The following PDE8B variants were observed in gnomAD, a reference collection of about 807,000 sequenced individuals.
PDE8B encodes phosphodiesterase 8B.
In PDE8B, 26 loss-of-function variants were observed where a neutral mutation model predicts 101.3. The ratio of observed to expected loss-of-function variants is 0.26; its 90% confidence interval spans 0.19 to 0.36. PDE8B has a LOEUF of 0.36. PDE8B is among the 10% of genes least tolerant of loss of function. PDE8B has a pLI of 1.00. For missense variants in PDE8B, 810 were observed against 1,163.1 expected (o/e 0.70, Z 4.42); for synonymous variants, 424 against 429.3 (o/e 0.99, Z 0.15).
At chr5:77,226,394 C>T (rs1048142191) in intron 1 of PDE8B, among the ~76,000 whole-genome samples, 4 of 152,136 alleles carry the variant, frequency 2.6e-5, no homozygotes, top group Admixed American at 6.6e-5. Context: ...ATCATTCCAT[C>T]GTAGTTCATA....
the PDE8B span, among the ~76,000 whole-genome samples, chr5:77,095,043 T>C: frequency 6.6e-6 from 1 of 152,218 alleles, no homozygotes; most frequent in South Asian, 2.1e-4. Flanking sequence ...ACGTCAGCTC[T>C]GTAAGGTAGA....
intron 2 of PDE8B, among the ~76,000 whole-genome samples, chr5:77,320,095 A>AT (rs1240964538): frequency 1.3e-5 from 2 of 152,104 alleles, no homozygotes; most frequent in Non-Finnish European, 2.9e-5. Flanking sequence ...AACAATCATA[A>AT]TTTTTACCAT....
chr5:77,369,266 C>T (rs1241774802), intron 10 of PDE8B, among the ~76,000 whole-genome samples: 1 of 141,108 alleles, frequency 7.1e-6, no homozygotes, highest in Non-Finnish European at 1.5e-5. Flanking sequence ...AAAACATTAA[C>T]CAGAATGTTT....
chr5:77,424,811 GTTTT>G (rs1004087096), intron 20 of PDE8B, among the ~76,000 whole-genome samples: 2 of 111,320 alleles, frequency 1.8e-5, no homozygotes, highest in African/African-American at 6.1e-5. Flanking sequence ...AACTGGTTCT[GTTTT>G]TTTGTTTTTT....
At chr5:77,318,411 C>T (rs1230473018) in intron 2 of PDE8B, among the ~76,000 whole-genome samples, 1 of 152,140 alleles carries the variant, frequency 6.6e-6, no homozygotes, top group Non-Finnish European at 1.5e-5. Flanking sequence ...TAGTAAGTTA[C>T]TTAACATAGT....
the PDE8B span, among the ~76,000 whole-genome samples, chr5:77,199,920 C>T: frequency 1.3e-5 from 2 of 152,060 alleles, no homozygotes; most frequent in Non-Finnish European, 2.9e-5. Flanking sequence ...ATTGAATTTA[C>T]ACTATCTCCC....
At chr5:77,358,098 G>T (rs1782437168) in intron 10 of PDE8B, among the ~76,000 whole-genome samples, 2 of 152,142 alleles carry the variant, frequency 1.3e-5, no homozygotes, top group South Asian at 4.1e-4. Context: ...CTCATGATTT[G>T]GGGCCTTCTC....
At chr5:77,225,159 T>G (rs556375322) in intron 1 of PDE8B, among the ~76,000 whole-genome samples, 27 of 152,262 alleles carry the variant, frequency 1.8e-4, no homozygotes, top group African/African-American at 6.5e-4. Context: ...AAGATAAACT[T>G]CCCTCCATCC....
the PDE8B span, among the ~76,000 whole-genome samples, chr5:77,172,319 T>G: frequency 6.6e-6 from 1 of 152,174 alleles, no homozygotes; most frequent in Non-Finnish European, 1.5e-5. Context: ...TGATGAAACA[T>G]CAAGAGCACC....
rs752136340 is a variant in PDE8B at position 77,413,240 on chromosome 5, C to T, written c.1842C>T (p.Tyr614=). ...IEANYHSSNA[Y]HNSTHAADVL... ...CCAACTACCACTCTTCCAATGCCTA[C>T]CACAACTCCACCCATGCTGCCGACG... The change falls in exon 17 of 22, where the codon TAC becomes TAT. Residue 614 remains tyrosine, a synonymous_variant. Transcript: ENST00000264917. 6.2e-7 allele frequency: 1 copy of T among 1,614,018 alleles called. No individual in the cohort carries two copies. The highest frequency in any genetic ancestry group is 1.3e-5 in the African/African-American group (1 of 74,910).
intron 1 of PDE8B, among the ~76,000 whole-genome samples, chr5:77,300,764 C>A (rs1316538803): frequency 1.3e-5 from 2 of 152,178 alleles, no homozygotes; most frequent in Admixed American, 6.5e-5. Flanking sequence ...GGTGTCTTTG[C>A]TAAGCTTCTG....
At chr5:77,260,859 G>A (rs1760435919) in intron 1 of PDE8B, among the ~76,000 whole-genome samples, 1 of 152,100 alleles carries the variant, frequency 6.6e-6, no homozygotes. Context: ...CACCCAAAGT[G>A]CTAGGATTAC....
chr5:77,191,750 G>T, the PDE8B span, among the ~76,000 whole-genome samples: 3 of 152,152 alleles, frequency 2.0e-5, no homozygotes, highest in Non-Finnish European at 4.4e-5. Context: ...GGTGGGGATT[G>T]TTTCGGGTTG....
rs910766106 is a variant in PDE8B, at chr5:77,426,744, T to A, written c.*190T>A. On this transcript the variant is annotated 3_prime_UTR_variant, in exon 22 of 22. Coordinates refer to ENST00000264917, the MANE Select transcript of PDE8B (RefSeq NM_003719.5). ...AAGTTATGTTCCATGAAGAAAAATA[T>A]ATGTTCTTTTGAATACTTAATGACA... is the stretch of plus-strand genomic sequence containing the variant. 1.6e-6 allele frequency: 1 copy of A among 608,640 alleles called. No homozygotes were observed. Among genetic ancestry groups the A allele is most frequent in the Non-Finnish European group, 3.0e-6 (1 of 337,966 alleles). 37.7% of individuals were successfully genotyped at this position (608,640 alleles called of 1,614,324 possible). A position where few individuals can be genotyped will look rare whatever the true frequency, so the allele number is the denominator to read the frequency against.
the PDE8B span, among the ~76,000 whole-genome samples, chr5:77,175,648 T>C: frequency 2.0e-5 from 3 of 152,250 alleles, no homozygotes; most frequent in African/African-American, 7.2e-5. Context: ...TCCACTAGAA[T>C]GTAAGCATCA....
chr5:77,336,318 G>A (rs1778182397), intron 5 of PDE8B, among the ~76,000 whole-genome samples: 2 of 152,104 alleles, frequency 1.3e-5, no homozygotes, highest in South Asian at 2.1e-4. Context: ...AGAACCTGTT[G>A]CAAAACAAAC....
upstream of PDE8B, chr5:77,210,617 C>T: frequency 1.0e-6 from 1 of 980,678 alleles, no homozygotes; most frequent in Non-Finnish European, 1.2e-6. The surrounding 1 kb of genome is among the most constrained non-coding windows in gnomAD (Gnocchi z 4.9). Context: ...GGCGGAGGCG[C>T]GGGGAGCGTG....
intron 1 of PDE8B, among the ~76,000 whole-genome samples, chr5:77,233,306 G>T (rs913974385): frequency 1.3e-5 from 2 of 152,056 alleles, no homozygotes; most frequent in South Asian, 4.2e-4. Context: ...TATGGAAATG[G>T]TGCCACAGGC....
intron 2 of PDE8B, among the ~76,000 whole-genome samples, chr5:77,314,610 A>G (rs1488446634): frequency 6.6e-6 from 1 of 152,154 alleles, no homozygotes; most frequent in Non-Finnish European, 1.5e-5. Context: ...AGAAATTCCT[A>G]TAATCCTAAG....
Sources: allele counts gnomAD v4.1 joint callset (sites outside exome capture counted in the v4.1 genomes callset), GRCh38; gene constraint gnomAD v4.1.1; non-coding constraint Gnocchi (gnomAD v3.1); transcripts MANE v1.5; gene names NCBI Gene and HGNC (gene_info 2026-07-23, HGNC 2026-07-21).